Variants in LRCH3 observed in about 807,000 individuals in gnomAD.
LRCH3 encodes the protein leucine rich repeats and calponin homology domain containing 3, also known as DISP complex protein LRCH3.
LRCH3 carries 68 observed loss-of-function variants against 104.5 expected under a neutral mutation model. The observed-to-expected ratio is 0.65, with a 90% CI of 0.54 to 0.80. The LOEUF (loss-of-function observed/expected upper bound fraction) is 0.80. LRCH3 is among the 30% of genes least tolerant of loss of function. LRCH3 has a pLI of 0.00. For missense variants in LRCH3, 951 were observed against 953.9 expected (o/e 1.00, Z 0.04); for synonymous variants, 344 against 361.3 (o/e 0.95, Z 0.54).
Position 197,817,226 on chromosome 3 carries a change from A to C in LRCH3, c.458A>C (p.Lys153Thr), listed in dbSNP as rs199672959. The change falls in exon 3 of 21, where the codon AAA (lysine) becomes ACA (threonine). Residue 153 changes from lysine (K) to threonine (T), a missense_variant. Physicochemically the swap from Lys to Thr is moderately conservative, Grantham distance 78 (BLOSUM62 -1). Transcript: ENST00000425562. ...LPVHLCNLPL[K>T]VLIASNNKLV... Reference sequence around the variant, plus strand: ...GTACACTTGTGTAATTTGCCATTGAAAGTCTTAATTGCTAGTAATAACAAA... The same window carrying C: ...GTACACTTGTGTAATTTGCCATTGACAGTCTTAATTGCTAGTAATAACAAA... 7.8e-4 allele frequency: 1,250 copies of C among 1,610,492 alleles called. 2 individuals carry two copies. Among genetic ancestry groups the C allele is most frequent in the Non-Finnish European group, 1.0e-3 (1,206 of 1,178,456 alleles).
At position 197,881,660 on chromosome 3, in the gene LRCH3, G is replaced by A. The variant is rs181102984; in HGVS notation, c.2209-1881G>A. The A allele has an allele frequency of 1.6e-5, 16 of 985,436 alleles. No individual in the cohort carries two copies. The Admixed American group carries it at 6.1e-4, about 38-fold the overall frequency. The allele number at this position is 985,436 out of a possible 1,614,324, so 61.0% of individuals were successfully genotyped here. On this transcript the variant is annotated intron_variant, in intron 20 of 20. Transcript: ENST00000425562. Reference sequence around the variant, plus strand: ...AATGCGTAGCACTTAGCTGCTAGACGTTAATGCTGGAAACTATAATTGCGG... The same window carrying A: ...AATGCGTAGCACTTAGCTGCTAGACATTAATGCTGGAAACTATAATTGCGG...
chr3:197,842,809 G>T (rs1258202991), intron 10 of LRCH3, among the ~76,000 whole-genome samples: 1 of 152,144 alleles, frequency 6.6e-6, no homozygotes, highest in Non-Finnish European at 1.5e-5. Flanking sequence ...TATGGGCTGG[G>T]TGCAGTGGCT....
chr3:197,809,309 A>AG (rs1491375103), intron 1 of LRCH3, among the ~76,000 whole-genome samples: 1 of 151,612 alleles, frequency 6.6e-6, no homozygotes, highest in Non-Finnish European at 1.5e-5. Context: ...AAAAAAAAAA[A>AG]GGACTTTTTT....
intron 5 of LRCH3, among the ~76,000 whole-genome samples, chr3:197,828,535 C>A (rs923657787): frequency 6.6e-6 from 1 of 150,902 alleles, no homozygotes; most frequent in East Asian, 2.0e-4. Flanking sequence ...TTAGTAGAGA[C>A]GGGGTTTCAC....
chr3:197,824,658 C>T (rs949377413), intron 4 of LRCH3, among the ~76,000 whole-genome samples: 2 of 150,632 alleles, frequency 1.3e-5, no homozygotes, highest in Non-Finnish European at 1.5e-5. Flanking sequence ...CCTCTGCCCC[C>T]CCGTCCCGGG....
chr3:197,825,905 T>C (rs957788628), intron 4 of LRCH3, among the ~76,000 whole-genome samples: 1 of 152,078 alleles, frequency 6.6e-6, no homozygotes, highest in African/African-American at 2.4e-5. Flanking sequence ...TACAAACTCA[T>C]TCTGTGATTT....
At position 197,791,389 on chromosome 3, in the gene LRCH3, C is replaced by T. The variant is rs570544558; in HGVS notation, c.111C>T (p.Gly37=). Reference sequence around the variant, plus strand: ...ACTGCGGCCCAAGCTCCGGGGCAGGCCCTGGTTTTGGCCCGGGCTCGTGGA... The same window carrying T: ...ACTGCGGCCCAAGCTCCGGGGCAGGTCCTGGTTTTGGCCCGGGCTCGTGGA... The part of the protein sequence containing the change: ...GVHCGPSSGA[G]PGFGPGSWSR... Residue 37 remains glycine, a synonymous_variant, in exon 1 of 21, where the codon GGC becomes GGT. Coordinates refer to ENST00000425562, the MANE Select transcript of LRCH3 (RefSeq NM_001365715.1). The T allele has an allele frequency of 1.9e-6, 3 of 1,596,250 alleles. No individual in the cohort carries two copies. Among genetic ancestry groups the T allele is most frequent in the African/African-American group, 1.3e-5 (1 of 74,522 alleles).
chr3:197,847,366 T>C, intron 10 of LRCH3, 43 bp from the exon 11 acceptor site: 1 of 1,540,122 alleles, frequency 6.5e-7, no homozygotes, highest in East Asian at 2.3e-5. Flanking sequence ...GTTTGTCTTT[T>C]TATCAAAGAG....
intron 3 of LRCH3, among the ~76,000 whole-genome samples, chr3:197,819,103 G>C (rs921926852): frequency 6.6e-6 from 1 of 150,844 alleles, no homozygotes; most frequent in Non-Finnish European, 1.5e-5. Context: ...TCCAGCCTGG[G>C]CAACAGAGTG....
intron 14 of LRCH3, 65 bp from the exon 15 acceptor site, chr3:197,858,769 C>A: frequency 7.6e-7 from 1 of 1,311,310 alleles, no homozygotes; most frequent in Non-Finnish European, 1.1e-6. Context: ...GTCAGATCTG[C>A]CTGCCTGACA....
In LRCH3 at chr3:197,835,640, T is replaced by G. The variant is rs751110294; in HGVS notation, c.1103-34T>G. ...AATTTGAATGTTTTTTTCTGGTGTGTGTGTGTGTGTGGGTGTGTGTGTGGT... is the reference window on the plus strand; with the variant it reads ...AATTTGAATGTTTTTTTCTGGTGTGGGTGTGTGTGTGGGTGTGTGTGTGGT... On this transcript the variant is annotated intron_variant, in intron 8 of 20. Transcript: ENST00000425562. 4.5e-6 allele frequency: 7 copies of G among 1,554,584 alleles called. No individual in the cohort carries two copies. In the South Asian group the frequency reaches 4.8e-5, roughly 11 times the overall value.
intron 1 of LRCH3, among the ~76,000 whole-genome samples, chr3:197,814,657 T>C (rs78489617): frequency 2.2e-3 from 333 of 152,326 alleles, no homozygotes; most frequent in African/African-American, 7.6e-3. Context: ...GTGTTTTTTG[T>C]TTTGCTTTTC....
chr3:197,858,918 A>T lies in LRCH3; in HGVS notation c.1716+13A>T. 6.2e-7 allele frequency: 1 copy of T among 1,608,380 alleles called. No individual in the cohort carries two copies. The highest frequency in any genetic ancestry group is 8.5e-7 in the Non-Finnish European group (1 of 1,174,878). ...CACGCCTCTTAAGGTATCTCTTGTT[A>T]TTGTAATTCACCAGGAAGTTTGGGG... On this transcript the variant is annotated intron_variant, in intron 15 of 20. Transcript: ENST00000425562.
intron 18 of LRCH3, 127 bp from the exon 19 acceptor site, chr3:197,871,198 A>G (rs1361116995): frequency 1.4e-6 from 1 of 739,434 alleles, no homozygotes; most frequent in Non-Finnish European, 2.3e-6. Flanking sequence ...ATAGAGGGAT[A>G]AAATGGATAT....
intron 18 of LRCH3, 96 bp from the exon 19 acceptor site, chr3:197,871,229 T>C: frequency 9.9e-7 from 1 of 1,013,942 alleles, no homozygotes; most frequent in Non-Finnish European, 1.5e-6. Context: ...ATTTCCTTTT[T>C]ATCTTGATTT....
chr3:197,882,254 AG>A, intron 20 of LRCH3: 1 of 985,412 alleles, frequency 1.0e-6, no homozygotes, highest in African/African-American at 1.7e-5. Context: ...TCAGCCTTGG[AG>A]AAAGCACGTC....
At position 197,854,445 on chromosome 3, in the gene LRCH3, G is replaced by A; in HGVS notation, c.1644G>A (p.Met548Ile). The A allele has an allele frequency of 5.6e-6, 9 of 1,613,772 alleles. No individual in the cohort carries two copies. The highest frequency in any genetic ancestry group is 7.6e-6 in the Non-Finnish European group (9 of 1,179,670). The change falls in exon 14 of 21, where the codon ATG becomes ATA. Residue 548 changes from methionine (M) to isoleucine (I), a missense_variant and splice_region_variant. Coordinates refer to ENST00000425562, the MANE Select transcript of LRCH3 (RefSeq NM_001365715.1). This position sits in a 1 kb window ranked among gnomAD's most constrained non-coding sequence, Gnocchi z 4.5. The stretch of plus-strand genomic sequence containing the variant: ...ACACTGATGATAGTGCCTTGTGCAT[G>A]GTAAGAGTTTTGCACAAAACGGAGT... ...SQHTDDSALC[M>I]SLSGLNQVGC...
At chr3:197,834,308 C>T (rs1736391668) in intron 8 of LRCH3, among the ~76,000 whole-genome samples, 1 of 152,172 alleles carries the variant, frequency 6.6e-6, no homozygotes, top group African/African-American at 2.4e-5. Context: ...TATACGTCTC[C>T]TCACCCTAAA....
chr3:197,836,875 A>G (rs1736874129), intron 9 of LRCH3, among the ~76,000 whole-genome samples: 2 of 151,936 alleles, frequency 1.3e-5, no homozygotes, highest in African/African-American at 2.4e-5. Context: ...ACGGGGTTTC[A>G]CCATGTTGGC....
Sources: allele counts gnomAD v4.1 joint callset (sites outside exome capture counted in the v4.1 genomes callset), GRCh38; gene constraint gnomAD v4.1.1; non-coding constraint Gnocchi (gnomAD v3.1); transcripts MANE v1.5; gene names NCBI Gene and HGNC (gene_info 2026-07-23, HGNC 2026-07-21).